The following GPM6A variants were observed in gnomAD, a reference collection of about 807,000 sequenced individuals.
GPM6A encodes glycoprotein M6A.
GPM6A carries 7 observed loss-of-function variants against 32.1 expected under a neutral mutation model. The ratio of observed to expected loss-of-function variants is 0.22; its 90% confidence interval spans 0.12 to 0.41. The LOEUF is 0.41. GPM6A is among the 10% of genes least tolerant of loss of function. The pLI is 1.00. For synonymous variants in GPM6A, 130 were observed against 123.4 expected (o/e 1.05, Z -0.35); for missense variants, 235 against 347.2 (o/e 0.68, Z 2.57).
intron 1 of GPM6A, among the ~76,000 whole-genome samples, chr4:175,887,777 C>A (rs1314823763): frequency 6.6e-6 from 1 of 151,644 alleles, no homozygotes; most frequent in African/African-American, 2.4e-5. Context: ...TGATGAAATT[C>A]ATATTTTAAG....
chr4:175,647,257 T>C (rs1237163679), intron 4 of GPM6A, among the ~76,000 whole-genome samples: 1 of 152,182 alleles, frequency 6.6e-6, no homozygotes, highest in Non-Finnish European at 1.5e-5. Flanking sequence ...TGGAGGAAAG[T>C]TTTAAACCTT....
intron 1 of GPM6A, among the ~76,000 whole-genome samples, chr4:175,999,722 G>A (rs1290410721): frequency 6.6e-6 from 1 of 151,732 alleles, no homozygotes; most frequent in Non-Finnish European, 1.5e-5. Flanking sequence ...ATAAATTTTG[G>A]TTTTCATGAT....
At position 175,673,855 on chromosome 4, in the gene GPM6A, T is replaced by G; in HGVS notation, c.231-19A>C. 6.4e-7 allele frequency: 1 copy of G among 1,563,956 alleles called. No individual in the cohort carries two copies. Among genetic ancestry groups the G allele is most frequent in the East Asian group, 2.3e-5 (1 of 44,256 alleles). On this transcript the variant is annotated intron_variant, in intron 2 of 6. Coordinates refer to ENST00000393658, the MANE Select transcript of GPM6A (RefSeq NM_201591.3). Reference sequence around the variant, plus strand: ...GTCAATCCTGAGAGAAAAGACAAAGTGATTTATTTCAATAACTTTTCATTG... The same window carrying G: ...GTCAATCCTGAGAGAAAAGACAAAGGGATTTATTTCAATAACTTTTCATTG...
chr4:175,985,453 T>C (rs565891158), intron 1 of GPM6A, among the ~76,000 whole-genome samples: 1 of 152,346 alleles, frequency 6.6e-6, no homozygotes, highest in South Asian at 2.1e-4. Flanking sequence ...GATCTCTTAT[T>C]ATTTTTAATT....
At chr4:175,774,472 A>G (rs1006282866) in intron 1 of GPM6A, among the ~76,000 whole-genome samples, 17 of 152,096 alleles carry the variant, frequency 1.1e-4, no homozygotes, top group Admixed American at 2.6e-4. Flanking sequence ...ATATTAATTT[A>G]ACTCAGTAAA....
At chr4:175,949,351 G>T (rs1391430628) in intron 1 of GPM6A, among the ~76,000 whole-genome samples, 3 of 151,998 alleles carry the variant, frequency 2.0e-5, no homozygotes, top group Non-Finnish European at 4.4e-5. Flanking sequence ...TCTCATGGCT[G>T]TGTTGCCCAG....
chr4:175,719,968 G>A (rs1051569855), intron 1 of GPM6A, among the ~76,000 whole-genome samples: 1 of 152,164 alleles, frequency 6.6e-6, no homozygotes, highest in East Asian at 1.9e-4. Flanking sequence ...GATTTTATTT[G>A]AACCAAGCAT....
At chr4:175,661,695 T>C (rs1742428987) in intron 3 of GPM6A, among the ~76,000 whole-genome samples, 1 of 152,204 alleles carries the variant, frequency 6.6e-6, no homozygotes, top group Non-Finnish European at 1.5e-5. Context: ...CTTCATATCA[T>C]TGTCCTGGGA....
chr4:175,887,458 GA>G (rs1488678691), intron 1 of GPM6A, among the ~76,000 whole-genome samples: 1 of 151,712 alleles, frequency 6.6e-6, no homozygotes, highest in Non-Finnish European at 1.5e-5. Flanking sequence ...ACATATTTTA[GA>G]AAGAAAAACA....
intron 1 of GPM6A, among the ~76,000 whole-genome samples, chr4:175,939,917 C>A (rs546797827): frequency 1.3e-5 from 2 of 151,478 alleles, no homozygotes; most frequent in Non-Finnish European, 2.9e-5. Flanking sequence ...AGAACCATAG[C>A]GCCTGGTTCC....
chr4:175,788,679 T>C (rs961714596), intron 1 of GPM6A, among the ~76,000 whole-genome samples: 3 of 152,164 alleles, frequency 2.0e-5, no homozygotes, highest in African/African-American at 7.2e-5. Context: ...GAATCATGCA[T>C]CTATAGTGTT....
intron 1 of GPM6A, among the ~76,000 whole-genome samples, chr4:175,898,980 G>C (rs1338304094): frequency 1.3e-5 from 2 of 152,090 alleles, no homozygotes; most frequent in African/African-American, 4.8e-5. Flanking sequence ...AAGTTTCCAT[G>C]CTCATGGAAC....
chr4:175,754,132 C>A (rs373610605), intron 1 of GPM6A, among the ~76,000 whole-genome samples: 2 of 152,214 alleles, frequency 1.3e-5, no homozygotes, highest in East Asian at 3.9e-4. Flanking sequence ...ACTTCTTAGT[C>A]CTAATCCCTT....
At chr4:175,991,439 CAT>C (rs1741142464) in intron 1 of GPM6A, among the ~76,000 whole-genome samples, 1 of 152,016 alleles carries the variant, frequency 6.6e-6, no homozygotes, top group African/African-American at 2.4e-5. Flanking sequence ...CCTAGTCAAA[CAT>C]ATATCTCAAG....
chr4:175,950,028 A>G (rs892933398), intron 1 of GPM6A, among the ~76,000 whole-genome samples: 1 of 152,226 alleles, frequency 6.6e-6, no homozygotes, highest in Non-Finnish European at 1.5e-5. Flanking sequence ...TTTTGTAAAG[A>G]AAATAAAGTA....
At chr4:175,705,669 G>A (rs1745148933) in intron 1 of GPM6A, among the ~76,000 whole-genome samples, 1 of 152,022 alleles carries the variant, frequency 6.6e-6, no homozygotes, top group African/African-American at 2.4e-5. Context: ...CCTGGGCCCC[G>A]GATAGGTTCC....
chr4:175,928,261 C>T (rs1415210429), intron 1 of GPM6A, among the ~76,000 whole-genome samples: 2 of 152,048 alleles, frequency 1.3e-5, no homozygotes, highest in Non-Finnish European at 2.9e-5. Flanking sequence ...CTCATTAACA[C>T]GATGAGACTT....
intron 1 of GPM6A, among the ~76,000 whole-genome samples, chr4:175,854,356 A>G (rs1243385518): frequency 1.3e-5 from 2 of 152,222 alleles, no homozygotes; most frequent in African/African-American, 2.4e-5. Flanking sequence ...TTTATCTGAT[A>G]GCAATGAAAG....
At chr4:175,695,466 G>A (rs60151641) in intron 2 of GPM6A, among the ~76,000 whole-genome samples, 8,102 of 152,232 alleles carry the variant, frequency 0.053, 437 homozygotes, top group African/African-American at 0.14. Flanking sequence ...TGTGAGACAC[G>A]AAGTCAAAGG....
Sources: allele counts gnomAD v4.1 joint callset (sites outside exome capture counted in the v4.1 genomes callset), GRCh38; gene constraint gnomAD v4.1.1; transcripts MANE v1.5; gene names NCBI Gene and HGNC (gene_info 2026-07-23, HGNC 2026-07-21).